Variants in TRHDE observed in about 807,000 individuals in gnomAD.
The protein encoded by TRHDE is thyrotropin releasing hormone degrading enzyme.
TRHDE carries 72 observed loss-of-function variants against 125.7 expected under a neutral mutation model. The observed-to-expected ratio is 0.57, with a 90% CI of 0.47 to 0.70. The LOEUF (loss-of-function observed/expected upper bound fraction) is 0.70, where lower values mean the gene tolerates loss of function less well. TRHDE is among the 30% of genes least tolerant of loss of function. The pLI is 0.00. For missense variants in TRHDE, 1,110 were observed against 1,327.1 expected (o/e 0.84, Z 2.54); for synonymous variants, 509 against 509.1 (o/e 1.00, Z 0.00).
At chr12:72,207,134 C>G (rs1317370223) in intron 2 of TRHDE, among the ~76,000 whole-genome samples, 5 of 152,228 alleles carry the variant, frequency 3.3e-5, no homozygotes, top group African/African-American at 1.2e-4. Flanking sequence ...ATACTTCATC[C>G]TTTTGAGAAA....
intron 3 of TRHDE, among the ~76,000 whole-genome samples, chr12:72,424,940 A>G (rs553590936): frequency 2.0e-5 from 3 of 152,300 alleles, no homozygotes; most frequent in African/African-American, 7.2e-5. Flanking sequence ...CTAAAATAAA[A>G]CTGAAATCAC....
chr12:72,129,088 A>G (rs933857313), intron 2 of TRHDE, among the ~76,000 whole-genome samples: 7 of 152,246 alleles, frequency 4.6e-5, no homozygotes, highest in South Asian at 2.1e-4. Flanking sequence ...ATGAAAACAG[A>G]TTTCTCTCTG....
intron 2 of TRHDE, among the ~76,000 whole-genome samples, chr12:72,304,927 G>T (rs956877813): frequency 6.6e-6 from 1 of 152,106 alleles, no homozygotes; most frequent in African/African-American, 2.4e-5. Flanking sequence ...TAGGGTTATA[G>T]GTTGTAGATA....
At chr12:72,450,716 A>G (rs1875529359) in intron 3 of TRHDE, among the ~76,000 whole-genome samples, 1 of 152,120 alleles carries the variant, frequency 6.6e-6, no homozygotes, top group African/African-American at 2.4e-5. Context: ...AGGAACTTCT[A>G]CACTGGTTTT....
Position 72,584,877 on chromosome 12 carries a change from T to A in TRHDE, c.2321+9335T>A, listed in dbSNP as rs1431530842. Among the ~76,000 whole-genome samples, 3 of 152,226 alleles carry A rather than the reference T, an allele frequency of 2.0e-5. No homozygotes were observed. In the East Asian group the frequency reaches 5.8e-4, roughly 29 times the overall value. On this transcript the variant is annotated intron_variant, in intron 12 of 18. Coordinates refer to ENST00000261180, the MANE Select transcript of TRHDE (RefSeq NM_013381.3). ...CAATAAATATGAAAGTGCAGATATC[T>A]CTTTGACAGAAACAGTACTCTAAAA...
chr12:72,517,532 T>C (rs1320020808), intron 6 of TRHDE, among the ~76,000 whole-genome samples: 1 of 152,230 alleles, frequency 6.6e-6, no homozygotes, highest in Non-Finnish European at 1.5e-5. Flanking sequence ...GATTCTTCTC[T>C]CTTTTTTTCT....
intron 2 of TRHDE, among the ~76,000 whole-genome samples, chr12:72,169,506 CT>C (rs1401768716): frequency 9.9e-5 from 15 of 152,164 alleles, no homozygotes; most frequent in African/African-American, 3.4e-4. Flanking sequence ...ATGGATTTTT[CT>C]CTGTACCAGT....
At chr12:72,621,254 T>G (rs970636073) in intron 14 of TRHDE, 49 bp downstream of exon 14, 1 of 1,195,754 alleles carries the variant, frequency 8.4e-7, no homozygotes, top group Non-Finnish European at 1.2e-6. Context: ...AGCTGTATAA[T>G]AATGTACTAC....
intron 15 of TRHDE, among the ~76,000 whole-genome samples, chr12:72,651,248 G>A (rs1184843483): frequency 6.6e-6 from 1 of 151,960 alleles, no homozygotes; most frequent in Non-Finnish European, 1.5e-5. Flanking sequence ...CTACACACTT[G>A]GTATAGTGCC....
At chr12:72,597,762 T>TATATAC (rs1555200904) in intron 12 of TRHDE, among the ~76,000 whole-genome samples, 8 of 80,592 alleles carry the variant, frequency 9.9e-5, no homozygotes, top group Non-Finnish European at 1.4e-4. Context: ...TATATATGCA[T>TATATAC]ACACACACAA....
chr12:72,186,145 A>C (rs1483236179), intron 2 of TRHDE: 1 of 152,724 alleles, frequency 6.5e-6, no homozygotes, highest in East Asian at 1.9e-4. Flanking sequence ...TCTTTGCAAT[A>C]AATCTTGCTA....
At position 72,286,888 on chromosome 12, in the gene TRHDE, A is replaced by G. The variant is rs377580653; in HGVS notation, c.1122A>G (p.Thr374=). The change falls in exon 2 of 19, where the codon ACA becomes ACG. Residue 374 remains threonine, a synonymous_variant. Transcript: ENST00000261180. ...DHFSQTPLMS[T]YYLAWAICNF... ...TTTCACAGACCCCTCTCATGTCCACATATTATTTAGCCTGGGCAATTTGCA... is the reference window on the plus strand; with the variant it reads ...TTTCACAGACCCCTCTCATGTCCACGTATTATTTAGCCTGGGCAATTTGCA... 5.0e-6 allele frequency: 8 copies of G among 1,613,844 alleles called. No individual in the cohort carries two copies. Among genetic ancestry groups the G allele is most frequent in the Middle Eastern group, 1.6e-4 (1 of 6,084 alleles).
chr12:72,136,990 C>T (rs1359176329), intron 2 of TRHDE, among the ~76,000 whole-genome samples: 1 of 152,140 alleles, frequency 6.6e-6, no homozygotes, highest in Non-Finnish European at 1.5e-5. Context: ...ACCTGTTATC[C>T]ACTGTGACAT....
intron 5 of TRHDE, among the ~76,000 whole-genome samples, chr12:72,474,948 A>T (rs996023060): frequency 3.9e-5 from 6 of 152,172 alleles, no homozygotes; most frequent in Admixed American, 3.9e-4. Flanking sequence ...AATTTTACTG[A>T]TATTTTATGA....
intron 2 of TRHDE, among the ~76,000 whole-genome samples, chr12:72,344,857 T>C (rs1870243503): frequency 6.6e-6 from 1 of 151,818 alleles, no homozygotes; most frequent in African/African-American, 2.4e-5. Flanking sequence ...TGCACATCTG[T>C]CCCCTAGGGG....
intron 3 of TRHDE, among the ~76,000 whole-genome samples, chr12:72,433,194 G>T (rs1005659247): frequency 6.6e-5 from 10 of 151,994 alleles, no homozygotes; most frequent in Non-Finnish European, 1.5e-4. Context: ...TCAGGATTTG[G>T]TTTGCTAGCA....
upstream of TRHDE, among the ~76,000 whole-genome samples, chr12:72,271,078 T>C (rs1432688435): frequency 6.6e-6 from 1 of 152,226 alleles, no homozygotes; most frequent in East Asian, 1.9e-4. Context: ...TCTCAGGGTT[T>C]TGGTCCTGAA....
chr12:72,249,400 A>T (rs983116775), intron 2 of TRHDE, among the ~76,000 whole-genome samples: 1 of 152,180 alleles, frequency 6.6e-6, no homozygotes, highest in Non-Finnish European at 1.5e-5. Context: ...AAAAGAAAAT[A>T]TATGAGCTGG....
rs765438455 is a variant in TRHDE at position 72,273,114 on chromosome 12, T to TGGGGTGGCCAGTCCGGGGACC, written c.472_492dup (p.Gly158_Thr164dup). The TGGGGTGGCCAGTCCGGGGACC allele has an allele frequency of 1.5e-4, 224 of 1,514,576 alleles. No individual in the cohort carries two copies. The East Asian group carries it at 4.8e-3, about 33-fold the overall frequency. 93.8% of individuals were successfully genotyped at this position (1,514,576 alleles called of 1,614,324 possible). ...GGGACTCCTGGCAGCCCGAGGCGGGTGGGGTGGCCAGTCCGGGGACCACGT... is the reference window on the plus strand; with the variant it reads ...GGGACTCCTGGCAGCCCGAGGCGGGTGGGGTGGCCAGTCCGGGGACCGGGGTGGCCAGTCCGGGGACCACGT... On this transcript the variant is annotated inframe_insertion, in exon 1 of 19. Coordinates refer to ENST00000261180, the MANE Select transcript of TRHDE (RefSeq NM_013381.3). This position sits in a 1 kb window ranked among gnomAD's most constrained non-coding sequence, Gnocchi z 5.3.
Sources: allele counts gnomAD v4.1 joint callset (sites outside exome capture counted in the v4.1 genomes callset), GRCh38; gene constraint gnomAD v4.1.1; non-coding constraint Gnocchi (gnomAD v3.1); transcripts MANE v1.5; gene names NCBI Gene and HGNC (gene_info 2026-07-23, HGNC 2026-07-21).